The following PAMR1 variants were observed in gnomAD, a reference collection of about 807,000 sequenced individuals.
The protein encoded by PAMR1 is peptidase domain containing associated with muscle regeneration 1.
PAMR1 carries 88 observed loss-of-function variants against 81.8 expected under a neutral mutation model. That is an observed-to-expected ratio of 1.08 (90% confidence interval 0.91 to 1.28). The LOEUF is 1.28. PAMR1 is among the 50% of genes most tolerant of loss of function. The pLI, the probability that PAMR1 is intolerant of heterozygous loss-of-function variation, is 0.00. For missense variants in PAMR1, 935 were observed against 919.7 expected (o/e 1.02, Z -0.21); for synonymous variants, 336 against 345.3 (o/e 0.97, Z 0.30).
chr11:35,468,125 A>C lies in PAMR1; in HGVS notation c.713-17T>G, dbSNP rs1856790496. 1 of 1,475,374 alleles carries C rather than the reference A, an allele frequency of 6.8e-7. No individual in the cohort carries two copies. Among genetic ancestry groups the C allele is most frequent in the East Asian group, 2.5e-5 (1 of 40,556 alleles). The allele number at this position is 1,475,374 out of a possible 1,614,324, so 91.4% of individuals were successfully genotyped here. The stretch of plus-strand genomic sequence containing the variant: ...AGGAGCATGCTGTAAGAGAAAAGGC[A>C]TCCTTCAGTGCCACTATACATTGAG... On this transcript the variant is annotated splice_polypyrimidine_tract_variant and intron_variant, in intron 5 of 10. Transcript: ENST00000619888.
chr11:35,461,223 G>T (rs1244446524), intron 6 of PAMR1, among the ~76,000 whole-genome samples: 2 of 152,192 alleles, frequency 1.3e-5, no homozygotes, highest in African/African-American at 2.4e-5. Context: ...AAAGGCCCTT[G>T]GCAAGAAGCA....
At chr11:35,474,873 G>A in intron 3 of PAMR1, 129 bp from the exon 4 acceptor site, 1 of 617,876 alleles carries the variant, frequency 1.6e-6, no homozygotes, top group South Asian at 2.0e-5. Context: ...AAAGGAAGAA[G>A]GAAATTAATG....
chr11:35,460,832 T>C (rs957371979), intron 6 of PAMR1, among the ~76,000 whole-genome samples: 1 of 152,202 alleles, frequency 6.6e-6, no homozygotes, highest in Non-Finnish European at 1.5e-5. Context: ...ATATACCTAG[T>C]AATGGGATGG....
rs115545592 is a variant in PAMR1, at chr11:35,454,270, G to A, written c.821-12577C>T. On this transcript the variant is annotated intron_variant, in intron 6 of 10. Transcript: ENST00000619888. The stretch of plus-strand genomic sequence containing the variant: ...TGCCCTTGGGCATGGCCACCACCCT[G>A]TACTTCATATGTGTACCTCATATGA... Among the ~76,000 whole-genome samples, 503 of 152,298 alleles carry A rather than the reference G, an allele frequency of 3.3e-3. 2 individuals carry two copies. Among genetic ancestry groups the A allele is most frequent in the African/African-American group, 0.012 (485 of 41,558 alleles).
At chr11:35,443,155 A>G (rs1158846268) in intron 6 of PAMR1, among the ~76,000 whole-genome samples, 1 of 150,560 alleles carries the variant, frequency 6.6e-6, no homozygotes. Context: ...TCCCTATAAA[A>G]CAGTCTCTGT....
intron 1 of PAMR1, among the ~76,000 whole-genome samples, chr11:35,524,776 C>T (rs556644220): frequency 4.5e-4 from 68 of 152,274 alleles, no homozygotes; most frequent in African/African-American, 1.5e-3. Flanking sequence ...GCTGGATCTC[C>T]GTATCATGTC....
chr11:35,448,047 T>C (rs1368095030), intron 6 of PAMR1, among the ~76,000 whole-genome samples: 3 of 152,210 alleles, frequency 2.0e-5, no homozygotes, highest in African/African-American at 7.2e-5. Context: ...GTAGGTGACC[T>C]TGCCTTTCTC....
intron 6 of PAMR1, among the ~76,000 whole-genome samples, chr11:35,463,260 A>G (rs1856695305): frequency 1.3e-5 from 2 of 152,170 alleles, no homozygotes; most frequent in Admixed American, 1.3e-4. Flanking sequence ...GGGAACCTTC[A>G]GAGACTCCAA....
rs371401678 is a variant in PAMR1, at chr11:35,434,372, T to G, written c.1626+140A>C. 4.2e-6 allele frequency: 3 copies of G among 711,952 alleles called. No individual in the cohort carries two copies. The African/African-American group carries it at 5.4e-5, about 13-fold the overall frequency. The allele number at this position is 711,952 out of a possible 1,614,324, so 44.1% of individuals were successfully genotyped here. A position where few individuals can be genotyped will look rare whatever the true frequency, so the allele number is the denominator to read the frequency against. On this transcript the variant is annotated intron_variant, in intron 10 of 10. Transcript: ENST00000619888. Reference sequence around the variant, plus strand: ...CCCCATCTAGTATCTCAATATGAAATAATGAACGCTGCTATATGCGAGGCT... The same window carrying G: ...CCCCATCTAGTATCTCAATATGAAAGAATGAACGCTGCTATATGCGAGGCT...
chr11:35,451,868 C>T (rs1485305053), intron 6 of PAMR1: 1 of 705,130 alleles, frequency 1.4e-6, no homozygotes, highest in Non-Finnish European at 2.6e-6. Flanking sequence ...AAGAAGTCAG[C>T]ATCTGAAGCA....
chr11:35,529,557 A>T (rs1851435521), upstream of PAMR1, among the ~76,000 whole-genome samples: 1 of 152,208 alleles, frequency 6.6e-6, no homozygotes, highest in Non-Finnish European at 1.5e-5. Context: ...GTTATTTCAC[A>T]TATGATGGCC....
intron 6 of PAMR1, among the ~76,000 whole-genome samples, chr11:35,448,690 G>A (rs1178223236): frequency 6.6e-6 from 1 of 152,190 alleles, no homozygotes; most frequent in Non-Finnish European, 1.5e-5. Context: ...TGCTGGAGAG[G>A]TGTTGCAATC....
At chr11:35,440,558 A>G (rs186613869) in intron 7 of PAMR1, among the ~76,000 whole-genome samples, 14 of 152,280 alleles carry the variant, frequency 9.2e-5, no homozygotes, top group African/African-American at 3.4e-4. Flanking sequence ...AATCTAGGAC[A>G]AGGACATGTT....
chr11:35,501,027 T>C (rs968213045), intron 1 of PAMR1, among the ~76,000 whole-genome samples: 5 of 152,190 alleles, frequency 3.3e-5, no homozygotes, highest in Admixed American at 2.0e-4. Context: ...GTAGACTTTA[T>C]AAACACCATA....
chr11:35,474,175 G>C (rs1468330139), intron 4 of PAMR1, among the ~76,000 whole-genome samples: 1 of 152,228 alleles, frequency 6.6e-6, no homozygotes, highest in East Asian at 1.9e-4. Flanking sequence ...ACACAGGTGA[G>C]AGAATTAGTT....
At chr11:35,476,276 T>C (rs1850283403) in intron 3 of PAMR1, among the ~76,000 whole-genome samples, 1 of 152,180 alleles carries the variant, frequency 6.6e-6, no homozygotes, top group South Asian at 2.1e-4. Flanking sequence ...CTTCATCTCC[T>C]AGTAATACGG....
chr11:35,454,479 T>G (rs1250495264), intron 6 of PAMR1, among the ~76,000 whole-genome samples: 1 of 152,196 alleles, frequency 6.6e-6, no homozygotes, highest in Non-Finnish European at 1.5e-5. Flanking sequence ...TCTTGCTTGA[T>G]TCCATCCCCA....
intron 6 of PAMR1, among the ~76,000 whole-genome samples, chr11:35,442,962 T>A (rs1034451511): frequency 1.3e-5 from 2 of 152,126 alleles, no homozygotes; most frequent in Non-Finnish European, 2.9e-5. Context: ...AGGGTGTACA[T>A]GTGCAGAATT....
chr11:35,446,470 A>AT (rs1435190518), intron 6 of PAMR1, among the ~76,000 whole-genome samples: 2 of 151,530 alleles, frequency 1.3e-5, no homozygotes, highest in Middle Eastern at 3.4e-3. Flanking sequence ...TGATGTGGGC[A>AT]TTTAGTGCTA....
Sources: allele counts gnomAD v4.1 joint callset (sites outside exome capture counted in the v4.1 genomes callset), GRCh38; gene constraint gnomAD v4.1.1; transcripts MANE v1.5; gene names NCBI Gene and HGNC (gene_info 2026-07-23, HGNC 2026-07-21).